VIT: variants seen among roughly 807,000 people sequenced by gnomAD.
VIT encodes the protein vitrin.
VIT carries 99 observed loss-of-function variants against 78.0 expected under a neutral mutation model. That is an observed-to-expected ratio of 1.27 (90% confidence interval 1.08 to 1.50). VIT has a LOEUF of 1.50. VIT is among the 40% of genes most tolerant of loss of function. VIT has a pLI of 0.00. For missense variants in VIT, 1,126 were observed against 875.3 expected (o/e 1.29, Z -3.61); for synonymous variants, 374 against 334.3 (o/e 1.12, Z -1.29).
chr2:36,703,353 C>G (rs1665190802), intron 1 of VIT, among the ~76,000 whole-genome samples: 1 of 150,474 alleles, frequency 6.6e-6, no homozygotes, highest in African/African-American at 2.4e-5. Flanking sequence ...CCCCACCCCC[C>G]TACACCCAGC....
intron 11 of VIT, 81 bp downstream of exon 11, chr2:36,783,483 C>G (rs1319902864): frequency 2.2e-6 from 3 of 1,367,028 alleles, no homozygotes; most frequent in Non-Finnish European, 3.1e-6. Flanking sequence ...CACTCCCACT[C>G]AAACCTGCCT....
At chr2:36,756,845 T>C (rs1440783245) in intron 5 of VIT, among the ~76,000 whole-genome samples, 1 of 152,222 alleles carries the variant, frequency 6.6e-6, no homozygotes, top group African/African-American at 2.4e-5. Context: ...CATTTCAGCC[T>C]TAAGTGCTCA....
At chr2:36,809,806 GAAACC>G (rs373313468) in intron 15 of VIT, among the ~76,000 whole-genome samples, 210 of 152,252 alleles carry the variant, frequency 1.4e-3, no homozygotes, top group African/African-American at 4.7e-3. Flanking sequence ...GGGCTTCAGG[GAAACC>G]TGAAAGGAAT....
intron 12 of VIT, among the ~76,000 whole-genome samples, chr2:36,800,449 G>A (rs1389881303): frequency 6.6e-6 from 1 of 152,216 alleles, no homozygotes; most frequent in Admixed American, 6.5e-5. Flanking sequence ...CAAGACGGCA[G>A]CAGCAGAGCA....
At chr2:36,742,629 T>A (rs1667902808) in intron 3 of VIT, among the ~76,000 whole-genome samples, 1 of 152,318 alleles carries the variant, frequency 6.6e-6, no homozygotes, top group East Asian at 1.9e-4. Context: ...GGCCCCATAA[T>A]GGAGTCCCTA....
intron 12 of VIT, among the ~76,000 whole-genome samples, chr2:36,799,096 T>C (rs1430545878): frequency 1.3e-5 from 2 of 152,222 alleles, no homozygotes; most frequent in African/African-American, 2.4e-5. Context: ...TTAAATTTCC[T>C]GTCTTCCCTG....
intron 12 of VIT, among the ~76,000 whole-genome samples, chr2:36,793,117 C>T (rs982004977): frequency 1.3e-5 from 2 of 152,080 alleles, no homozygotes; most frequent in Non-Finnish European, 2.9e-5. Context: ...CCCCACTTCC[C>T]CAACACTCAC....
chr2:36,811,619 G>A (rs1161275331), intron 15 of VIT, among the ~76,000 whole-genome samples: 1 of 152,016 alleles, frequency 6.6e-6, no homozygotes, highest in African/African-American at 2.4e-5. Flanking sequence ...TACAACAAGA[G>A]TGGACTTGGG....
Position 36,716,387 on chromosome 2 carries a change from T to G in VIT, c.17T>G (p.Leu6Arg). The change falls in exon 2 of 16, where the codon CTC becomes CGC. Residue 6 changes from leucine (L) to arginine (R), a missense_variant. Coordinates refer to ENST00000379242, the MANE Select transcript of VIT (RefSeq NM_053276.4). MRTVV[L>R]TMKASVIEMF... ...CTGATATTTATGAGGACTGTTGTTC[T>G]CACTATGAAGGCATCTGTTATTGAA... The G allele has an allele frequency of 6.2e-7, 1 of 1,614,032 alleles. No homozygotes were observed. Among genetic ancestry groups the G allele is most frequent in the Non-Finnish European group, 8.5e-7 (1 of 1,179,900 alleles).
At chr2:36,795,641 C>A (rs1665841536) in intron 12 of VIT, among the ~76,000 whole-genome samples, 1 of 152,108 alleles carries the variant, frequency 6.6e-6, no homozygotes, top group Non-Finnish European at 1.5e-5. Context: ...TCTCGAACTC[C>A]TGACCTCAGG....
In VIT at chr2:36,805,543, A is replaced by G; in HGVS notation, c.1268A>G (p.Asp423Gly). Residue 423 changes from aspartate (D) to glycine (G), a missense_variant, in exon 14 of 16, where the codon GAC becomes GGC. Coordinates refer to ENST00000379242, the MANE Select transcript of VIT (RefSeq NM_053276.4). ...GTGATGGTGGATGGCTGGCCCACGG[A>G]CAAAGTGGAGGAGGCTTCAAGACTT... is the stretch of plus-strand genomic sequence containing the variant. ...VVVMVDGWPT[D>G]KVEEASRLAR... 1.2e-6 allele frequency: 2 copies of G among 1,614,120 alleles called. No individual in the cohort carries two copies. Among genetic ancestry groups the G allele is most frequent in the African/African-American group, 2.7e-5 (2 of 75,012 alleles).
chr2:36,810,930 G>A (rs1453442723), intron 15 of VIT, among the ~76,000 whole-genome samples: 1 of 152,092 alleles, frequency 6.6e-6, no homozygotes, highest in Non-Finnish European at 1.5e-5. Flanking sequence ...CACTGCACCT[G>A]GCTTCTGTGC....
At chr2:36,703,460 A>G (rs1665200305) in intron 1 of VIT, among the ~76,000 whole-genome samples, 1 of 152,034 alleles carries the variant, frequency 6.6e-6, no homozygotes, top group African/African-American at 2.4e-5. Flanking sequence ...CAAAACTAAG[A>G]CCAAAGGATC....
In VIT at chr2:36,773,854, C is replaced by A; in HGVS notation, c.736+7C>A. On this transcript the variant is annotated splice_region_variant and intron_variant, in intron 8 of 15. Transcript: ENST00000379242. Reference sequence around the variant, plus strand: ...AGGCCCAGAGCTGATCCAGGTAAGACCTTAAACTCCCTTTCCAGCCACTGA... The same window carrying A: ...AGGCCCAGAGCTGATCCAGGTAAGAACTTAAACTCCCTTTCCAGCCACTGA... 1.3e-6 allele frequency: 2 copies of A among 1,586,530 alleles called. No individual in the cohort carries two copies. The highest frequency in any genetic ancestry group is 1.2e-5 in the South Asian group (1 of 84,818).
intron 1 of VIT, among the ~76,000 whole-genome samples, chr2:36,709,592 T>C (rs1364986404): frequency 6.6e-6 from 1 of 152,048 alleles, no homozygotes; most frequent in Non-Finnish European, 1.5e-5. Context: ...GAAGATGAAT[T>C]TTGGTTTTAG....
chr2:36,784,891 AT>A (rs1254125697), intron 11 of VIT, among the ~76,000 whole-genome samples: 1 of 152,238 alleles, frequency 6.6e-6, no homozygotes, highest in Non-Finnish European at 1.5e-5. Context: ...AACCATTGTC[AT>A]TTAAAAGAGG....
At chr2:36,776,107 A>G (rs1670031205) in intron 9 of VIT, among the ~76,000 whole-genome samples, 1 of 152,186 alleles carries the variant, frequency 6.6e-6, no homozygotes, top group Non-Finnish European at 1.5e-5. Flanking sequence ...CCCTATATCG[A>G]ATAACTTCAA....
At chr2:36,793,016 T>A (rs1665615108) in intron 12 of VIT, among the ~76,000 whole-genome samples, 1 of 152,140 alleles carries the variant, frequency 6.6e-6, no homozygotes, top group Non-Finnish European at 1.5e-5. Flanking sequence ...CAGACCTCAC[T>A]CGGGTTCTAC....
intron 1 of VIT, among the ~76,000 whole-genome samples, chr2:36,710,547 G>T (rs1054634169): frequency 2.0e-5 from 3 of 152,078 alleles, no homozygotes; most frequent in Middle Eastern, 3.4e-3. Flanking sequence ...ATGTCTCCAG[G>T]ACTCTCCACT....
Sources: allele counts gnomAD v4.1 joint callset (sites outside exome capture counted in the v4.1 genomes callset), GRCh38; gene constraint gnomAD v4.1.1; transcripts MANE v1.5; gene names NCBI Gene and HGNC (gene_info 2026-07-23, HGNC 2026-07-21).